ANLN: variants seen among roughly 807,000 people sequenced by gnomAD.
ANLN encodes anillin, actin binding protein, also known as anillin.
A neutral mutation model predicts 135.1 loss-of-function variants in ANLN; 59 were observed. The observed-to-expected ratio is 0.44, with a 90% confidence interval of 0.35 to 0.54. The LOEUF is 0.54. ANLN is among the 20% of genes least tolerant of loss of function. The pLI, the probability that ANLN is intolerant of heterozygous loss-of-function variation, is 0.00. For synonymous variants in ANLN, 406 were observed against 456.4 expected (o/e 0.89, Z 1.41); for missense variants, 1,182 against 1,340.0 (o/e 0.88, Z 1.84).
At chr7:36,447,230 C>T (rs1789041450) in intron 22 of ANLN, among the ~76,000 whole-genome samples, 1 of 152,144 alleles carries the variant, frequency 6.6e-6, no homozygotes, top group Admixed American at 6.5e-5. Flanking sequence ...TTTATTCTTA[C>T]TGTAGATCTT....
chr7:36,390,278 C>T (rs527426658), intron 1 of ANLN: 2 of 642,896 alleles, frequency 3.1e-6, no homozygotes, highest in African/African-American at 1.8e-5. Context: ...GGCTTTGAGT[C>T]TGTCCTAAAA....
chr7:36,406,559 G>A lies in ANLN; in HGVS notation c.866G>A (p.Ser289Asn). 1 of 1,503,412 alleles carries A rather than the reference G, an allele frequency of 6.7e-7. No homozygotes were observed. Among genetic ancestry groups the A allele is most frequent in the Non-Finnish European group, 8.9e-7 (1 of 1,127,152 alleles). 93.1% of individuals were successfully genotyped at this position (1,503,412 alleles called of 1,614,324 possible). ...TCTTTGGTTAATGCCTCAATTTCCAGCTCTGTGGTAAGTCAGTATCATTTT... is the reference window on the plus strand; with the variant it reads ...TCTTTGGTTAATGCCTCAATTTCCAACTCTGTGGTAAGTCAGTATCATTTT... Reference protein sequence around the residue: ...DASLVNASISSSVKATSPVKS... With the variant: ...DASLVNASISNSVKATSPVKS... Residue 289 changes from serine to asparagine, a missense_variant, in exon 4 of 24, where the codon AGC (serine) becomes AAC (asparagine). Around this residue, in one of 3 missense-constraint regions of ANLN, gnomAD observed 1,022 missense variants for 1,134.0 expected, o/e 0.90. Coordinates refer to ENST00000265748, the MANE Select transcript of ANLN (RefSeq NM_018685.5).
chr7:36,415,547 A>G (rs1445306416), intron 7 of ANLN, among the ~76,000 whole-genome samples: 1 of 152,130 alleles, frequency 6.6e-6, no homozygotes, highest in Non-Finnish European at 1.5e-5. Flanking sequence ...AAAAATTTTT[A>G]CATACTGAGA....
intron 1 of ANLN, among the ~76,000 whole-genome samples, chr7:36,395,636 T>G (rs1786661582): frequency 6.6e-6 from 1 of 152,146 alleles, no homozygotes; most frequent in South Asian, 2.1e-4. Context: ...AAAACAATAC[T>G]CTTATTTCTC....
At chr7:36,415,210 C>A (rs1335050354) in intron 7 of ANLN, among the ~76,000 whole-genome samples, 1 of 152,176 alleles carries the variant, frequency 6.6e-6, no homozygotes, top group Non-Finnish European at 1.5e-5. Flanking sequence ...GTTTTCTTCT[C>A]TTCTCTTCTT....
chr7:36,406,285 A>C lies in ANLN; in HGVS notation c.592A>C (p.Arg198=), dbSNP rs770014887. Residue 198 remains arginine (R), a synonymous_variant, in exon 4 of 24, where the codon AGA becomes CGA. Transcript: ENST00000265748. The part of the protein sequence containing the change: ...LSNASATPVG[R]RGRLANLAAT... ...AAATGCCTCGGCAACTCCAGTTGGC[A>C]GAAGGGGCCGTCTGGCCAATCTTGC... The C allele has an allele frequency of 6.2e-7, 1 of 1,614,206 alleles. No individual in the cohort carries two copies. The highest frequency in any genetic ancestry group is 1.1e-5 in the South Asian group (1 of 91,084).
Position 36,453,202 on chromosome 7 carries a change from A to G in ANLN, c.*602A>G, listed in dbSNP as rs1789316608. 1 of 152,264 alleles carries G rather than the reference A, an allele frequency of 6.6e-6. No homozygotes were observed. Among genetic ancestry groups the G allele is most frequent in the African/African-American group, 2.4e-5 (1 of 41,454 alleles). 9.4% of individuals were successfully genotyped at this position (152,264 alleles called of 1,614,324 possible). A position where few individuals can be genotyped will look rare whatever the true frequency, so the allele number is the denominator to read the frequency against. On this transcript the variant is annotated 3_prime_UTR_variant, in exon 24 of 24. Transcript: ENST00000265748. Reference sequence around the variant, plus strand: ...GGCAATGTGTGAGACTTGGGGGTTCAATATTTTATATAGAAGAGTTAATAA... The same window carrying G: ...GGCAATGTGTGAGACTTGGGGGTTCGATATTTTATATAGAAGAGTTAATAA...
chr7:36,407,314 A>G (rs1787230104), intron 4 of ANLN, among the ~76,000 whole-genome samples: 1 of 152,208 alleles, frequency 6.6e-6, no homozygotes, highest in African/African-American at 2.4e-5. Flanking sequence ...GTACCTGGCT[A>G]TGTATAAGTA....
At chr7:36,395,009 TA>T (rs569474760) in intron 1 of ANLN, among the ~76,000 whole-genome samples, 71 of 152,338 alleles carry the variant, frequency 4.7e-4, no homozygotes, top group African/African-American at 1.7e-3. Context: ...AAATAAAACA[TA>T]AGATTATTTT....
chr7:36,450,042 T>C (rs1789181937), intron 23 of ANLN, among the ~76,000 whole-genome samples: 1 of 152,260 alleles, frequency 6.6e-6, no homozygotes, highest in South Asian at 2.1e-4. Flanking sequence ...ACTCAGGTTG[T>C]ATCTTAGCTA....
Position 36,411,123 on chromosome 7 carries a change from A to G in ANLN, c.1352A>G (p.Glu451Gly). The G allele has an allele frequency of 6.2e-7, 1 of 1,609,056 alleles. No homozygotes were observed. ...RFDKGNIWSA[E>G]KGGNSKSKQL... is the part of the protein sequence containing the mutation. ...GACAAGGGCAATATATGGAGTGCAG[A>G]AAAAGGCGGAAACTCAAAAAGCAAA... is the stretch of plus-strand genomic sequence containing the variant. The change falls in exon 7 of 24, where the codon GAA becomes GGA. Residue 451 changes from glutamate (E) to glycine (G), a missense_variant. Physicochemically the swap from Glu to Gly is moderately conservative, Grantham distance 98. Transcript: ENST00000265748.
At chr7:36,417,391 C>G (rs1787687561) in intron 9 of ANLN, among the ~76,000 whole-genome samples, 1 of 152,172 alleles carries the variant, frequency 6.6e-6, no homozygotes, top group African/African-American at 2.4e-5. Context: ...AAGACCCTCA[C>G]TGACTTTGAC....
Position 36,406,247 on chromosome 7 carries a change from G to A in ANLN, c.554G>A (p.Arg185Lys), listed in dbSNP as rs197367. The A allele has an allele frequency of 0.64, 1,026,116 of 1,613,538 alleles. 328,974 individuals are homozygous for A. Among genetic ancestry groups the A allele is most frequent in the South Asian group, 0.74 (67,760 of 91,064 alleles). Residue 185 changes from arginine to lysine, a missense_variant, in exon 4 of 24, where the codon AGA (arginine) becomes AAA (lysine). This residue lies in a region of ANLN where 1,022 missense variants were observed against 1,134.0 expected (regional missense o/e 0.90). Transcript: ENST00000265748. ...GAGGAAAAGGCTGCTTCCCCTCCCA[G>A]ACCTCTGCTTTCAAATGCCTCGGCA... Reference protein sequence around the residue: ...PSEEKAASPPRPLLSNASATP... With the variant: ...PSEEKAASPPKPLLSNASATP...
chr7:36,436,975 T>C (rs1184185495), intron 20 of ANLN, among the ~76,000 whole-genome samples: 1 of 152,230 alleles, frequency 6.6e-6, no homozygotes, highest in Non-Finnish European at 1.5e-5. Context: ...CAAAGGTCTA[T>C]AATTTTTTTT....
intron 21 of ANLN, among the ~76,000 whole-genome samples, chr7:36,442,544 A>G (rs1788816003): frequency 6.6e-6 from 1 of 152,222 alleles, no homozygotes; most frequent in African/African-American, 2.4e-5. Flanking sequence ...TCCCTGATCT[A>G]CAGCATTGTT....
At chr7:36,413,989 G>C (rs57572953) in intron 7 of ANLN, among the ~76,000 whole-genome samples, 1 of 144,742 alleles carries the variant, frequency 6.9e-6, no homozygotes, top group Non-Finnish European at 1.5e-5. Context: ...GTGAGACTCC[G>C]TCTCAAAAAA....
intron 1 of ANLN, 155 bp downstream of exon 1, chr7:36,390,199 CCTG>C (rs1445282887): frequency 7.8e-7 from 1 of 1,282,524 alleles, no homozygotes; most frequent in Non-Finnish European, 1.1e-6. Context: ...GCGGCTGCGG[CCTG>C]CTGTGGTTGG....
chr7:36,417,125 C>CA lies in ANLN; in HGVS notation c.1569dup (p.Leu524IlefsTer18). On this transcript the variant is annotated frameshift_variant, in exon 9 of 24. Coordinates refer to ENST00000265748, the MANE Select transcript of ANLN (RefSeq NM_018685.5). LOFTEE classifies it high-confidence loss of function. ...ACGAAATCTAGCCCTTTGAAAATAACATTGTTTTTAGAAGAGGACAAATCC... is the reference window on the plus strand; with the variant it reads ...ACGAAATCTAGCCCTTTGAAAATAACAATTGTTTTTAGAAGAGGACAAATCC... 6.2e-7 allele frequency: 1 copy of CA among 1,608,980 alleles called. No individual in the cohort carries two copies. Among genetic ancestry groups the CA allele is most frequent in the East Asian group, 2.2e-5 (1 of 44,658 alleles).
Position 36,449,769 on chromosome 7 carries a change from C to T in ANLN, c.3183C>T (p.Val1061=), listed in dbSNP as rs771617702. The T allele has an allele frequency of 8.1e-6, 13 of 1,613,844 alleles. No individual in the cohort carries two copies. Among genetic ancestry groups the T allele is most frequent in the Non-Finnish European group, 1.1e-5 (13 of 1,179,938 alleles). ...ARRNTFELIT[V]RPQREDDRET... is the part of the protein sequence containing the mutation. ...GCAACACTTTTGAATTAATTACTGT[C>T]CGACCACAAAGAGAAGATGACCGAG... Residue 1061 remains valine (V), a synonymous_variant, in exon 23 of 24, where the codon GTC becomes GTT. Transcript: ENST00000265748.
Sources: gnomAD v4.1 joint callset for allele counts (sites outside exome capture counted in the v4.1 genomes callset) on GRCh38, gnomAD v4.1.1 for gene constraint, gnomAD v4.1.1 regional missense constraint, MANE v1.5 for transcripts, NCBI Gene and HGNC (gene_info 2026-07-23, HGNC 2026-07-21) for gene names.